Variants in SLC60A2 observed in about 807,000 individuals in gnomAD.
SLC60A2 encodes the protein major facilitator superfamily domain containing 4B.
At chr6:111,275,055 T>C in the SLC60A2 span, among the ~76,000 whole-genome samples, 2 of 150,762 alleles carry the variant, frequency 1.3e-5, no homozygotes, top group Non-Finnish European at 2.9e-5. Context: ...CTTGAGTAGC[T>C]GGGACTACAG....
chr6:111,266,171 GT>G, the SLC60A2 span: 28 of 1,609,958 alleles, frequency 1.7e-5, no homozygotes, highest in Non-Finnish European at 2.4e-5. Context: ...TTTTTTGTCT[GT>G]TTTTAAAGAA....
the SLC60A2 span, chr6:111,259,572 C>T: frequency 5.5e-5 from 53 of 971,824 alleles, 1 homozygote; most frequent in South Asian, 3.7e-5. Flanking sequence ...TGGGGCCGGG[C>T]CCCCGGCTGC....
At chr6:111,266,764 T>A in the SLC60A2 span, 1 of 1,614,194 alleles carries the variant, frequency 6.2e-7, no homozygotes, top group Non-Finnish European at 8.5e-7. Context: ...GGTATTTTAT[T>A]TCCTGTGCTA....
At chr6:111,262,265 T>C in the SLC60A2 span, 3 of 1,611,846 alleles carry the variant, frequency 1.9e-6, no homozygotes, top group South Asian at 2.2e-5. Context: ...AGGGATTGAG[T>C]GTTGCTATAG....
the SLC60A2 span, among the ~76,000 whole-genome samples, chr6:111,276,185 G>A: frequency 6.6e-6 from 1 of 152,138 alleles, no homozygotes; most frequent in African/African-American, 2.4e-5. Flanking sequence ...GTGGACATTT[G>A]TGTTGCTTCT....
the SLC60A2 span, among the ~76,000 whole-genome samples, chr6:111,271,543 A>C: frequency 2.0e-5 from 3 of 151,926 alleles, no homozygotes; most frequent in Admixed American, 2.0e-4. Flanking sequence ...ACAGTTGGTG[A>C]ACTGGTTATT....
chr6:111,265,903 G>T, the SLC60A2 span: 3 of 1,611,004 alleles, frequency 1.9e-6, no homozygotes, highest in Non-Finnish European at 2.5e-6. Flanking sequence ...TTGGCTATTT[G>T]GGGGGACAAA....
At chr6:111,260,238 C>G in the SLC60A2 span, among the ~76,000 whole-genome samples, 9 of 152,148 alleles carry the variant, frequency 5.9e-5, no homozygotes, top group Non-Finnish European at 4.4e-5. Context: ...TCTCCTTCGT[C>G]GGATGGGAAG....
chr6:111,263,888 A>G, the SLC60A2 span: 5 of 1,612,558 alleles, frequency 3.1e-6, no homozygotes, highest in Admixed American at 1.7e-5. Context: ...GCAAGACAGC[A>G]ATATTACTCA....
the SLC60A2 span, among the ~76,000 whole-genome samples, chr6:111,273,014 A>G: frequency 1.8e-3 from 275 of 152,030 alleles, 1 homozygote; most frequent in African/African-American, 6.5e-3. Flanking sequence ...TGTTTTTAGT[A>G]GAGACGGGGT....
the SLC60A2 span, chr6:111,259,582 C>A: frequency 8.8e-7 from 1 of 1,137,956 alleles, no homozygotes; most frequent in Non-Finnish European, 1.2e-6. Context: ...CCCCCGGCTG[C>A]GGGGCAGCGG....
the SLC60A2 span, among the ~76,000 whole-genome samples, chr6:111,272,328 T>C: frequency 6.6e-6 from 1 of 152,146 alleles, no homozygotes. Flanking sequence ...GATACATGCA[T>C]ACAATGTGTA....
the SLC60A2 span, among the ~76,000 whole-genome samples, chr6:111,261,301 G>A: frequency 6.6e-6 from 1 of 152,164 alleles, no homozygotes; most frequent in African/African-American, 2.4e-5. Context: ...ATAAAAAACA[G>A]GAATCATATT....
the SLC60A2 span, chr6:111,269,600 A>C: frequency 2.0e-5 from 3 of 152,212 alleles, no homozygotes; most frequent in African/African-American, 7.2e-5. Flanking sequence ...TCTAGGCAGT[A>C]GCAGTTACTT....
chr6:111,259,758 CG>C, the SLC60A2 span: 4 of 1,554,788 alleles, frequency 2.6e-6, no homozygotes, highest in Non-Finnish European at 3.5e-6. Flanking sequence ...ACTCCCAGGC[CG>C]GGGCGTTCGA....
At chr6:111,266,870 A>G in the SLC60A2 span, 4 of 1,614,062 alleles carry the variant, frequency 2.5e-6, no homozygotes, top group Non-Finnish European at 1.7e-6. Flanking sequence ...GGCTAAATGA[A>G]TATGAGGAAG....
chr6:111,272,884 G>A, the SLC60A2 span, among the ~76,000 whole-genome samples: 166 of 151,932 alleles, frequency 1.1e-3, 2 homozygotes, highest in Non-Finnish European at 3.5e-4. Flanking sequence ...AGGCTGGAGT[G>A]CAGTGGCACA....
the SLC60A2 span, among the ~76,000 whole-genome samples, chr6:111,264,820 G>A: frequency 1.5e-4 from 22 of 151,466 alleles, no homozygotes; most frequent in African/African-American, 4.6e-4. Flanking sequence ...AAATAACGGC[G>A]GGGTGGCTTA....
At chr6:111,265,924 A>G in the SLC60A2 span, 1 of 1,614,034 alleles carries the variant, frequency 6.2e-7, no homozygotes, top group Non-Finnish European at 8.5e-7. Flanking sequence ...GGAGCCCCAC[A>G]TATGCAGGCC....
Sources: gnomAD v4.1 joint callset for allele counts (sites outside exome capture counted in the v4.1 genomes callset) on GRCh38, gnomAD v4.1.1 for gene constraint, MANE v1.5 for transcripts, NCBI Gene and HGNC (gene_info 2026-07-23, HGNC 2026-07-21) for gene names.